C10orf105: variants seen among roughly 807,000 people sequenced by gnomAD.
C10orf105 encodes the protein uncharacterized protein C10orf105.
C10orf105 carries 2 observed loss-of-function variants against 0.6 expected under a neutral mutation model. That is an observed-to-expected ratio of 3.18 (90% CI 1.30 to 10.01). C10orf105 has a LOEUF of 10.01. C10orf105 is among the 30% of genes most tolerant of loss of function. The pLI, the probability that C10orf105 is intolerant of heterozygous loss-of-function variation, is 0.04. For synonymous variants in C10orf105, 95 were observed against 82.4 expected, an observed-to-expected ratio of 1.15 and a Z score of -0.83; for missense variants, 209 against 191.4, an observed-to-expected ratio of 1.09 and a Z score of -0.54.
At chr10:71,725,535 G>T (rs1254317664) in intron 1 of C10orf105, 1 of 1,609,132 alleles carries the variant, frequency 6.2e-7, no homozygotes, top group South Asian at 1.1e-5. Flanking sequence ...GGCTAGGGGC[G>T]GGCTGGGGTG....
intron 1 of C10orf105, among the ~76,000 whole-genome samples, chr10:71,727,728 C>A (rs1440517946): frequency 1.3e-5 from 2 of 152,166 alleles, no homozygotes; most frequent in African/African-American, 2.4e-5. Flanking sequence ...CCACTAGCAC[C>A]CCATTTTGCA....
At chr10:71,723,952 G>C, upstream of C10orf105, 1 of 1,400,082 alleles carries the variant, frequency 7.1e-7, no homozygotes. Flanking sequence ...GGATGGGGTA[G>C]GATGCGTGAA....
intron 1 of C10orf105, among the ~76,000 whole-genome samples, chr10:71,719,355 G>A (rs532754940): frequency 1.3e-5 from 2 of 152,268 alleles, no homozygotes; most frequent in East Asian, 1.9e-4. Context: ...GTGCACCAGC[G>A]GGCCCTGCTC....
intron 1 of C10orf105, chr10:71,737,651 G>T: frequency 2.1e-6 from 1 of 466,118 alleles, no homozygotes. Flanking sequence ...GGCAGTGGGA[G>T]AAGGCCTGTC....
intron 1 of C10orf105, among the ~76,000 whole-genome samples, chr10:71,727,400 C>T (rs1866863954): frequency 6.6e-6 from 1 of 152,244 alleles, no homozygotes; most frequent in Non-Finnish European, 1.5e-5. Flanking sequence ...GCCCCTGGGG[C>T]AGGTGCTTGG....
intron 1 of C10orf105, chr10:71,731,903 G>C (rs547111328): frequency 1.4e-6 from 2 of 1,453,346 alleles, no homozygotes; most frequent in Admixed American, 4.1e-5. Context: ...CACCCAGGGG[G>C]TATGGGTGTG....
At position 71,713,660 on chromosome 10, in the gene C10orf105, T is replaced by G. The variant is rs1866085112; in HGVS notation, c.*2276A>C. 2 of 249,676 alleles carry G rather than the reference T, an allele frequency of 8.0e-6. No homozygotes were observed. Among genetic ancestry groups the G allele is most frequent in the East Asian group, 1.1e-4 (1 of 9,154 alleles). 15.5% of individuals were successfully genotyped at this position (249,676 alleles called of 1,614,324 possible). A position where few individuals can be genotyped will look rare whatever the true frequency, so the allele number is the denominator to read the frequency against. On this transcript the variant is annotated 3_prime_UTR_variant, in exon 2 of 2. Coordinates refer to ENST00000441508, the MANE Select transcript of C10orf105 (RefSeq NM_001164375.3). ...AGCTCCAGAAGGAGGAAGTAGAGGG[T>G]TCTCTCGATCAGGGCCTCAGCTTGT...
chr10:71,723,635 C>T (rs868362991), upstream of C10orf105, among the ~76,000 whole-genome samples: 14 of 152,090 alleles, frequency 9.2e-5, no homozygotes, highest in African/African-American at 1.2e-4. Context: ...CAAGGAAATG[C>T]GGGCAAGAAG....
chr10:71,737,839 C>A (rs750220388), upstream of C10orf105: 1 of 464,536 alleles, frequency 2.2e-6, no homozygotes, highest in South Asian at 1.5e-5. Flanking sequence ...AGACACAAAA[C>A]AATATGCTCT....
chr10:71,733,382 C>T (rs1207372877), intron 1 of C10orf105, among the ~76,000 whole-genome samples: 1 of 152,214 alleles, frequency 6.6e-6, no homozygotes, highest in African/African-American at 2.4e-5. Context: ...CAATTATTAA[C>T]TGAATCTCCA....
intron 1 of C10orf105, among the ~76,000 whole-genome samples, chr10:71,737,461 G>C (rs1481590060): frequency 1.3e-5 from 2 of 152,224 alleles, no homozygotes; most frequent in African/African-American, 4.8e-5. Context: ...CTACAGATAG[G>C]GGAGTGTGGC....
intron 1 of C10orf105, chr10:71,734,572 G>A (rs1371510013): frequency 1.2e-6 from 2 of 1,604,772 alleles, no homozygotes; most frequent in Non-Finnish European, 1.7e-6. Flanking sequence ...GCCGGGAGTG[G>A]GGTCTGGAAG....
rs1032365977 is a variant in C10orf105, at chr10:71,713,879, G to T, written c.*2057C>A. 1 of 153,014 alleles carries T rather than the reference G, an allele frequency of 6.5e-6. No homozygotes were observed. The highest frequency in any genetic ancestry group is 1.9e-4 in the East Asian group (1 of 5,182). The allele number at this position is 153,014 out of a possible 1,614,324, so 9.5% of individuals were successfully genotyped here. ...ACAGGCTGAATCCAGCCTAGGATTT[G>T]CAGGGAGGCCCCAGGGGAAGCAAAC... On this transcript the variant is annotated 3_prime_UTR_variant, in exon 2 of 2. Transcript: ENST00000441508.
chr10:71,729,208 G>GGTAAGC (rs1866950478), intron 1 of C10orf105, among the ~76,000 whole-genome samples: 1 of 152,206 alleles, frequency 6.6e-6, no homozygotes, highest in Non-Finnish European at 1.5e-5. Context: ...ACTTAGTGCT[G>GGTAAGC]GTAAGCGGTG....
intron 1 of C10orf105, among the ~76,000 whole-genome samples, chr10:71,735,843 C>T (rs1324690089): frequency 3.9e-5 from 6 of 152,206 alleles, no homozygotes; most frequent in African/African-American, 1.4e-4. Context: ...CTCCACAGCT[C>T]CCCTCAGCTA....
chr10:71,725,254 C>A, intron 1 of C10orf105: 1 of 1,520,842 alleles, frequency 6.6e-7, no homozygotes, highest in Non-Finnish European at 9.1e-7. Flanking sequence ...CCCAGAAGAC[C>A]CGCAGCCTCC....
At position 71,716,202 on chromosome 10, in the gene C10orf105, A is replaced by C. The variant is rs978426613; in HGVS notation, c.136T>G (p.Phe46Val). The C allele has an allele frequency of 3.2e-6, 5 of 1,551,086 alleles. No individual in the cohort carries two copies. The African/African-American group carries it at 5.5e-5, about 17-fold the overall frequency. Residue 46 changes from phenylalanine (F) to valine (V), a missense_variant, in exon 2 of 2, where the codon TTC (phenylalanine) becomes GTC (valine). Transcript: ENST00000441508. ...AGCAGACAGGTGGCCAGCAGGAGGA[A>C]GATGCAGGCCAGGGCGATGAGCATG... ...LPMLIALACIFLLLATCLLFM... is the reference protein window; with the variant it reads ...LPMLIALACIVLLLATCLLFM...
rs1399600929 is a variant in C10orf105 at position 71,711,868 on chromosome 10, T to A, written c.*4068A>T. 6.6e-6 allele frequency: 1 copy of A among 151,780 alleles called. No individual in the cohort carries two copies. The highest frequency in any genetic ancestry group is 1.5e-5 in the Non-Finnish European group (1 of 67,908). The allele number at this position is 151,780 out of a possible 1,614,324, so 9.4% of individuals were successfully genotyped here. On this transcript the variant is annotated 3_prime_UTR_variant, in exon 2 of 2. Transcript: ENST00000441508. ...GGCCCATCCAGGTGTTTGACCCAGG[T>A]GCTATACCCGCCAGTCCCTGACAGC...
Position 71,713,241 on chromosome 10 carries a change from CAAG to C in C10orf105, c.*2692_*2694del. ...TCCCCTCTTGGGAAGTAAACAGGCACAAGAAGAAAGGGCTCCTTTGCCCAGGGA... is the reference window on the plus strand; with the variant it reads ...TCCCCTCTTGGGAAGTAAACAGGCACAAGAAAGGGCTCCTTTGCCCAGGGA... On this transcript the variant is annotated 3_prime_UTR_variant, in exon 2 of 2. Transcript: ENST00000441508. 1 of 779,334 alleles carries C rather than the reference CAAG, an allele frequency of 1.3e-6. No homozygotes were observed. Among genetic ancestry groups the C allele is most frequent in the South Asian group, 1.3e-5 (1 of 74,526 alleles). 48.3% of individuals were successfully genotyped at this position (779,334 alleles called of 1,614,324 possible).
Sources: allele counts gnomAD v4.1 joint callset (sites outside exome capture counted in the v4.1 genomes callset), GRCh38; gene constraint gnomAD v4.1.1; transcripts MANE v1.5; gene names NCBI Gene and HGNC (gene_info 2026-07-23, HGNC 2026-07-21).